RNASE9: variants seen among roughly 807,000 people sequenced by gnomAD.
RNASE9 encodes inactive ribonuclease-like protein 9.
For synonymous variants in RNASE9, 95 were observed against 87.6 expected, an observed-to-expected ratio of 1.08 and a Z score of -0.47; for missense variants, 263 against 247.1, an observed-to-expected ratio of 1.06 and a Z score of -0.43.
At chr14:20,558,259 A>C in exon 3 of RNASE9, 1 of 544,244 alleles carries the variant, frequency 1.8e-6, no homozygotes, top group East Asian at 3.1e-5. Context: ...GGAGACCTTG[A>C]TCTATCAGTG....
chr14:20,558,109 G>GA (rs1883784345), exon 3 of RNASE9: 2 of 265,200 alleles, frequency 7.5e-6, no homozygotes, highest in African/African-American at 4.4e-5. Context: ...AGAGTGCTTT[G>GA]ACAAATTGGT....
chr14:20,557,265 C>T lies in RNASE9; in HGVS notation c.-196G>A, dbSNP rs1025667544. The T allele has an allele frequency of 8.0e-5, 47 of 588,082 alleles. No individual in the cohort carries two copies. In the African/African-American group the frequency reaches 8.6e-4, roughly 11 times the overall value. 36.4% of individuals were successfully genotyped at this position (588,082 alleles called of 1,614,324 possible). On this transcript the variant is annotated 5_prime_UTR_variant, in exon 3 of 3. Transcript: ENST00000555230. Reference sequence around the variant, plus strand: ...ATTGACAAAAATGACCTTACTAGGCCTACAGTCAGTCTAGAGCTGTGGTAA... The same window carrying T: ...ATTGACAAAAATGACCTTACTAGGCTTACAGTCAGTCTAGAGCTGTGGTAA...
chr14:20,558,133 A>G (rs731897), exon 3 of RNASE9: 47,060 of 288,300 alleles, frequency 0.16, 5,041 homozygotes, highest in African/African-American at 0.4. Context: ...TGCTCCATGA[A>G]GAACCAATTA....
At chr14:20,558,611 A>C (rs371873764) in exon 3 of RNASE9, 191 of 1,549,786 alleles carry the variant, frequency 1.2e-4, no homozygotes, top group Non-Finnish European at 1.6e-4. Context: ...AGCTCGGAAC[A>C]TACTCTCACA....
At chr14:20,560,530 T>A (rs1883911847) in intron 1 of RNASE9, among the ~76,000 whole-genome samples, 1 of 151,910 alleles carries the variant, frequency 6.6e-6, no homozygotes, top group South Asian at 2.1e-4. Context: ...GGGAAAAAAA[T>A]TGAAATTTTA....
intron 1 of RNASE9, chr14:20,560,195 T>C (rs1883897781): frequency 6.6e-6 from 1 of 152,150 alleles, no homozygotes; most frequent in Admixed American, 6.5e-5. Flanking sequence ...TTAAATTAAA[T>C]TAATTTTTAA....
At chr14:20,556,736 G>A in exon 3 of RNASE9, 1 of 1,613,902 alleles carries the variant, frequency 6.2e-7, no homozygotes, top group Non-Finnish European at 8.5e-7. Flanking sequence ...ATTTTTTGGA[G>A]CTCGTCATAT....
exon 3 of RNASE9, chr14:20,558,221 CTGAGTGATTCTCTAACAGTCATTACCT>C (rs1302432257): frequency 1.1e-5 from 5 of 441,876 alleles, no homozygotes; most frequent in Non-Finnish European, 2.1e-5. Flanking sequence ...TGGTGGCAAC[CTGAGTGATTCTCTAACAGTCATTACCT>C]GGAGACCTTG....
upstream of RNASE9, chr14:20,560,965 T>C (rs1417925762): frequency 6.6e-6 from 1 of 152,148 alleles, no homozygotes; most frequent in Non-Finnish European, 1.5e-5. Flanking sequence ...ACTAGACTCT[T>C]GTTTTTACTC....
chr14:20,560,359 TGATGA>T (rs1158066288), intron 1 of RNASE9: 3 of 152,132 alleles, frequency 2.0e-5, no homozygotes, highest in African/African-American at 7.2e-5. Context: ...GATAAGAGTG[TGATGA>T]GATGTTTCTG....
At chr14:20,559,724 T>C (rs1277968697) in intron 1 of RNASE9, 91 bp from the exon 2 acceptor site, 1 of 152,206 alleles carries the variant, frequency 6.6e-6, no homozygotes, top group Non-Finnish European at 1.5e-5. Context: ...TTAATATGCA[T>C]TAAAATGAAC....
exon 3 of RNASE9, chr14:20,556,517 G>A (rs941353065): frequency 6.2e-7 from 1 of 1,613,732 alleles, no homozygotes; most frequent in Non-Finnish European, 8.5e-7. Flanking sequence ...GGCTCCACGA[G>A]ATCATTTATA....
At chr14:20,556,140 G>A (rs1883673924) in exon 3 of RNASE9, 1 of 260,978 alleles carries the variant, frequency 3.8e-6, no homozygotes, top group Non-Finnish European at 7.3e-6. Context: ...AGAATCACAT[G>A]GATGTGTCTT....
exon 3 of RNASE9, chr14:20,556,751 T>A: frequency 6.2e-7 from 1 of 1,614,036 alleles, no homozygotes; most frequent in Non-Finnish European, 8.5e-7. Flanking sequence ...TCATATTGCA[T>A]AAGAAGGAAG....
At chr14:20,560,976 T>G (rs1295945746), upstream of RNASE9, 1 of 152,160 alleles carries the variant, frequency 6.6e-6, no homozygotes, top group Non-Finnish European at 1.5e-5. Flanking sequence ...GTTTTTACTC[T>G]CTCCCACTCT....
At chr14:20,557,045 G>T (rs1196077181) in exon 3 of RNASE9, 3 of 1,611,136 alleles carry the variant, frequency 1.9e-6, no homozygotes, top group South Asian at 2.2e-5. Flanking sequence ...GGCAGTGGGT[G>T]TGTGGTGATG....
exon 3 of RNASE9, chr14:20,556,410 G>C (rs1883687090): frequency 7.1e-7 from 1 of 1,399,546 alleles, no homozygotes; most frequent in African/African-American, 1.4e-5. Flanking sequence ...TCAGTATGGA[G>C]AGAAATATTC....
intron 2 of RNASE9, chr14:20,558,658 G>C: frequency 2.2e-6 from 3 of 1,393,528 alleles, no homozygotes; most frequent in Non-Finnish European, 3.0e-6. Flanking sequence ...GATCTGGAGA[G>C]AACATGGACA....
At chr14:20,557,166 T>A in exon 3 of RNASE9, 1 of 1,314,656 alleles carries the variant, frequency 7.6e-7, no homozygotes, top group Non-Finnish European at 1.0e-6. Context: ...TGCCACATGT[T>A]GCTGTTCTGG....
Sources: gnomAD v4.1 joint callset for allele counts (sites outside exome capture counted in the v4.1 genomes callset) on GRCh38, gnomAD v4.1.1 for gene constraint, MANE v1.5 for transcripts, NCBI Gene and HGNC (gene_info 2026-07-23, HGNC 2026-07-21) for gene names.